Variants in SMIM13 observed in about 807,000 individuals in gnomAD.
The protein encoded by SMIM13 is UPF0766 protein C6orf228.
In SMIM13, 3 loss-of-function variants were observed where a neutral mutation model predicts 5.9. The observed-to-expected ratio is 0.51, with a 90% confidence interval of 0.23 to 1.31. The LOEUF is 1.31. Among genes scored for constraint, SMIM13 ranks in the 40% most tolerant of loss-of-function variants. The pLI, the probability that SMIM13 is intolerant of heterozygous loss-of-function variation, is 0.18. For synonymous variants in SMIM13, 55 were observed against 46.0 expected (o/e 1.19, Z -0.79); for missense variants, 85 against 109.9 (o/e 0.77, Z 1.01).
rs1419737254 is a variant in SMIM13 at position 11,134,886 on chromosome 6, T to C, written c.*284T>C. The C allele has an allele frequency of 1.3e-5, 3 of 228,200 alleles. No homozygotes were observed. The highest frequency in any genetic ancestry group is 2.5e-5 in the Non-Finnish European group (3 of 118,208). The allele number at this position is 228,200 out of a possible 1,614,324, so 14.1% of individuals were successfully genotyped here. On this transcript the variant is annotated 3_prime_UTR_variant, in exon 2 of 2. Transcript: ENST00000416247. ...TGCACTGGTGCAGATCTGGTAAACA[T>C]TAAAGGCTTGAAAAACCATATTTTG...
At chr6:11,101,290 A>G (rs1240230971) in intron 1 of SMIM13, among the ~76,000 whole-genome samples, 1 of 152,208 alleles carries the variant, frequency 6.6e-6, no homozygotes, top group African/African-American at 2.4e-5. Context: ...CAAGTCACAC[A>G]GCTAGCGTTG....
chr6:11,118,317 T>C (rs940651181), intron 1 of SMIM13, among the ~76,000 whole-genome samples: 27 of 152,384 alleles, frequency 1.8e-4, no homozygotes, highest in African/African-American at 3.6e-4. Flanking sequence ...CAGCTTTTGC[T>C]ATACAGTAGC....
chr6:11,130,268 AAC>A (rs1491502984), intron 1 of SMIM13, among the ~76,000 whole-genome samples: 5 of 114,296 alleles, frequency 4.4e-5, no homozygotes, highest in African/African-American at 6.6e-5. Context: ...AAAAAAAAAA[AAC>A]AACAACAACA....
At chr6:11,131,546 C>T (rs1391525437) in intron 1 of SMIM13, among the ~76,000 whole-genome samples, 1 of 151,934 alleles carries the variant, frequency 6.6e-6, no homozygotes, top group African/African-American at 2.4e-5. Context: ...CTACTGTAAC[C>T]AACATGGTAT....
intron 1 of SMIM13, among the ~76,000 whole-genome samples, chr6:11,098,275 C>T (rs1343697071): frequency 2.0e-5 from 3 of 152,184 alleles, no homozygotes; most frequent in Non-Finnish European, 4.4e-5. Context: ...GTGTTTTCTA[C>T]CCCCACTATT....
rs554329241 is a variant in SMIM13, at chr6:11,138,265, G to T, written c.*3663G>T. 2.4e-4 allele frequency: 36 copies of T among 152,208 alleles called. No individual in the cohort carries two copies. The highest frequency in any genetic ancestry group is 6.8e-4 in the African/African-American group (28 of 41,460). The allele number at this position is 152,208 out of a possible 1,614,324, so 9.4% of individuals were successfully genotyped here. A position where few individuals can be genotyped will look rare whatever the true frequency, so the allele number is the denominator to read the frequency against. ...GAATAGTGTTCTGTTGTGAAGTCTA[G>T]AACTAAAGCACCTTGTATTGTCTGC... On this transcript the variant is annotated 3_prime_UTR_variant, in exon 2 of 2. Transcript: ENST00000416247.
chr6:11,098,224 C>T (rs549739176), intron 1 of SMIM13, among the ~76,000 whole-genome samples: 2 of 152,276 alleles, frequency 1.3e-5, no homozygotes, highest in East Asian at 1.9e-4. Flanking sequence ...CTTCTGTCTA[C>T]ATTGGTTGTC....
intron 1 of SMIM13, among the ~76,000 whole-genome samples, chr6:11,126,700 T>A (rs1758381297): frequency 6.6e-6 from 1 of 152,154 alleles, no homozygotes; most frequent in Non-Finnish European, 1.5e-5. Flanking sequence ...TATTGGTGTC[T>A]GGGCATTGCA....
chr6:11,115,413 G>C (rs1486679871), intron 1 of SMIM13, among the ~76,000 whole-genome samples: 1 of 152,134 alleles, frequency 6.6e-6, no homozygotes, highest in Non-Finnish European at 1.5e-5. Flanking sequence ...GCAGGATTCA[G>C]TTCCTTGTGA....
intron 1 of SMIM13, among the ~76,000 whole-genome samples, chr6:11,095,521 T>G (rs1757912316): frequency 6.6e-6 from 1 of 152,142 alleles, no homozygotes; most frequent in Admixed American, 6.5e-5. Flanking sequence ...CCAGCTAATT[T>G]TTGTATTTTT....
intron 1 of SMIM13, among the ~76,000 whole-genome samples, chr6:11,110,016 G>A (rs189322181): frequency 3.3e-5 from 5 of 152,326 alleles, no homozygotes; most frequent in African/African-American, 1.2e-4. Context: ...GAATGAACCA[G>A]TGCTTACCAG....
chr6:11,105,324 A>G (rs1416554910), intron 1 of SMIM13: 1 of 1,592,038 alleles, frequency 6.3e-7, no homozygotes, highest in African/African-American at 1.4e-5. Context: ...GACCTAAGAG[A>G]AACTGGTCAC....
intron 1 of SMIM13, among the ~76,000 whole-genome samples, chr6:11,100,144 T>C (rs932794861): frequency 6.6e-6 from 1 of 152,052 alleles, no homozygotes; most frequent in Non-Finnish European, 1.5e-5. Flanking sequence ...CACTGCAGCC[T>C]CCACCTCCTG....
chr6:11,096,823 C>G (rs1478909165), intron 1 of SMIM13, among the ~76,000 whole-genome samples: 1 of 152,168 alleles, frequency 6.6e-6, no homozygotes, highest in African/African-American at 2.4e-5. Context: ...CCTCAGCCTC[C>G]TGAGTAGCTG....
At chr6:11,126,995 T>A (rs1370974338) in intron 1 of SMIM13, among the ~76,000 whole-genome samples, 1 of 151,986 alleles carries the variant, frequency 6.6e-6, no homozygotes, top group Non-Finnish European at 1.5e-5. Flanking sequence ...ACAAATGGAG[T>A]CTCTCTGTGC....
chr6:11,124,641 AC>A (rs369272297), intron 1 of SMIM13, among the ~76,000 whole-genome samples: 33 of 152,332 alleles, frequency 2.2e-4, no homozygotes, highest in African/African-American at 7.9e-4. Context: ...CCAGCACTGT[AC>A]AAGGGTTCCT....
At chr6:11,094,428 C>T in intron 1 of SMIM13, 39 bp downstream of exon 1, 1 of 1,476,744 alleles carries the variant, frequency 6.8e-7, no homozygotes, top group Non-Finnish European at 9.1e-7. Flanking sequence ...TTCCACACGC[C>T]GGGTCGCTGA....
At chr6:11,112,918 C>G (rs2113652729) in intron 1 of SMIM13, among the ~76,000 whole-genome samples, 1 of 152,240 alleles carries the variant, frequency 6.6e-6, no homozygotes, top group Middle Eastern at 3.4e-3. Flanking sequence ...AGCAATTCTC[C>G]TGCCTCAGCC....
chr6:11,105,437 C>G (rs1432496177), intron 1 of SMIM13: 2 of 696,772 alleles, frequency 2.9e-6, no homozygotes, highest in Non-Finnish European at 4.8e-6. Context: ...TTGGGATCAC[C>G]TTACTTTGAG....
Sources: gnomAD v4.1 joint callset for allele counts (sites outside exome capture counted in the v4.1 genomes callset) on GRCh38, gnomAD v4.1.1 for gene constraint, MANE v1.5 for transcripts, NCBI Gene and HGNC (gene_info 2026-07-23, HGNC 2026-07-21) for gene names.